Variants in NSD1 observed in about 807,000 individuals in gnomAD.
NSD1 encodes the protein histone-lysine N-methyltransferase, H3 lysine-36 specific.
A neutral mutation model predicts 242.7 loss-of-function variants in NSD1; 26 were observed. The observed-to-expected ratio is 0.11, with a 90% CI of 0.08 to 0.15. The LOEUF (loss-of-function observed/expected upper bound fraction) is 0.15. NSD1 is among the 10% of genes least tolerant of loss of function. NSD1 has a pLI of 1.00. For missense variants in NSD1, 2,495 were observed against 3,272.8 expected (o/e 0.76, Z 5.80); for synonymous variants, 1,106 against 1,178.1 (o/e 0.94, Z 1.25).
chr5:177,179,304 C>T (rs139614103), intron 2 of NSD1, among the ~76,000 whole-genome samples: 2,777 of 152,260 alleles, frequency 0.018, 33 homozygotes, highest in Non-Finnish European at 0.028. Context: ...TAACCTCCGC[C>T]TCCTGGGTTC....
Position 177,295,443 on chromosome 5 carries a change from A to G in NSD1, c.8075A>G (p.Glu2692Gly), listed in dbSNP as rs554708803. ...GCTCCTTCCAGTCACAAGTGTGCAG[A>G]ATCAGAACAGAAGTAGTACCAATCA... ...NQAPSSHKCAESEQK is the reference protein window; with the variant it reads ...NQAPSSHKCAGSEQK The change falls in exon 23 of 23, where the codon GAA becomes GGA. Residue 2692 changes from glutamate (E) to glycine (G), a missense_variant. Around this residue, in one of 19 missense-constraint regions of NSD1, gnomAD observed 475 missense variants for 563.7 expected, o/e 0.84. Coordinates refer to ENST00000439151, the MANE Select transcript of NSD1 (RefSeq NM_022455.5). The surrounding 1 kb of genome is among the most constrained non-coding windows in gnomAD (Gnocchi z 4.3). 6.2e-7 allele frequency: 1 copy of G among 1,614,032 alleles called. No individual in the cohort carries two copies. Among genetic ancestry groups the G allele is most frequent in the South Asian group, 1.1e-5 (1 of 91,084 alleles).
chr5:177,266,669 A>G, intron 14 of NSD1: 1 of 343,564 alleles, frequency 2.9e-6, no homozygotes, highest in South Asian at 9.2e-5. Flanking sequence ...TGAAAGAAGC[A>G]CAGTGAGAAC....
At chr5:177,132,226 CA>C (rs1465373709), upstream of NSD1, among the ~76,000 whole-genome samples, 1 of 151,950 alleles carries the variant, frequency 6.6e-6, no homozygotes, top group East Asian at 1.9e-4. This position sits in a 1 kb window ranked among gnomAD's most constrained non-coding sequence, Gnocchi z 7.5. Flanking sequence ...GCCCGGCCCT[CA>C]GGGGCGAGGC....
intron 14 of NSD1, chr5:177,265,982 A>G: frequency 3.7e-6 from 4 of 1,074,964 alleles, no homozygotes; most frequent in Non-Finnish European, 5.8e-6. Flanking sequence ...CACCACATCC[A>G]CTAGGGTTTC....
rs759363094 is a variant in NSD1, at chr5:177,209,821, C to G, written c.1422C>G (p.Gly474=). Residue 474 remains glycine (G), a synonymous_variant, in exon 5 of 23, where the codon GGC becomes GGG. Transcript: ENST00000439151. Reference sequence around the variant, plus strand: ...CAGAACATGACCTGTTGCTTAATGGCTGTTTGAAATCACTGGCTTTTGATT... The same window carrying G: ...CAGAACATGACCTGTTGCTTAATGGGTGTTTGAAATCACTGGCTTTTGATT... The part of the protein sequence containing the change: ...PESEHDLLLN[G]CLKSLAFDSE... The G allele has an allele frequency of 6.2e-6, 10 of 1,613,980 alleles. No homozygotes were observed. In the Admixed American group the frequency reaches 8.3e-5, roughly 13 times the overall value.
intron 20 of NSD1, among the ~76,000 whole-genome samples, chr5:177,285,104 C>A (rs953835959): frequency 6.6e-6 from 1 of 152,012 alleles, no homozygotes; most frequent in South Asian, 2.1e-4. Flanking sequence ...TAATTTGAAT[C>A]GAAAGTAAAT....
At chr5:177,279,783 A>T (rs1358236164) in intron 17 of NSD1, among the ~76,000 whole-genome samples, 1 of 149,792 alleles carries the variant, frequency 6.7e-6, no homozygotes, top group Non-Finnish European at 1.5e-5. Flanking sequence ...CGCCTGGCTA[A>T]TTTTTTTGTA....
intron 12 of NSD1, among the ~76,000 whole-genome samples, chr5:177,256,457 A>T (rs1320315954): frequency 1.3e-5 from 2 of 151,700 alleles, no homozygotes; most frequent in Non-Finnish European, 2.9e-5. Context: ...TAATTTTTGT[A>T]TGTTTAGTAG....
intron 2 of NSD1, among the ~76,000 whole-genome samples, chr5:177,186,791 G>C (rs1226542038): frequency 6.6e-6 from 1 of 152,078 alleles, no homozygotes; most frequent in Admixed American, 6.6e-5. Context: ...GAGTTCGAAA[G>C]CAGCCTGGGG....
chr5:177,269,520 C>A lies in NSD1; in HGVS notation c.5304-82C>A. 1 of 1,226,774 alleles carries A rather than the reference C, an allele frequency of 8.2e-7. No homozygotes were observed. Among genetic ancestry groups the A allele is most frequent in the Non-Finnish European group, 1.2e-6 (1 of 840,638 alleles). 76.0% of individuals were successfully genotyped at this position (1,226,774 alleles called of 1,614,324 possible). ...ATGTGGACAGACAGACATTGCTAAT[C>A]CTTACTTTTATATGAGTAGGTTATT... On this transcript the variant is annotated intron_variant, in intron 15 of 22. Coordinates refer to ENST00000439151, the MANE Select transcript of NSD1 (RefSeq NM_022455.5). This position sits in a 1 kb window ranked among gnomAD's most constrained non-coding sequence, Gnocchi z 5.1.
In NSD1 at chr5:177,135,720, C is replaced by T. The variant is rs2149756476; in HGVS notation, c.617C>T (p.Ala206Val). The T allele has an allele frequency of 6.2e-7, 1 of 1,614,088 alleles. No homozygotes were observed. Among genetic ancestry groups the T allele is most frequent in the South Asian group, 1.1e-5 (1 of 91,080 alleles). ...ETKSENGVKV[A>V]MGSEQDSTPE... ...AAATCAGAGAATGGTGTAAAAGTGGCCATGGGAAGTGAACAAGACAGCACA... is the reference window on the plus strand; with the variant it reads ...AAATCAGAGAATGGTGTAAAAGTGGTCATGGGAAGTGAACAAGACAGCACA... Residue 206 changes from alanine to valine, a missense_variant, in exon 2 of 23, where the codon GCC becomes GTC. Ala to Val is a moderately conservative substitution (Grantham distance 64). This residue lies in a region of NSD1 where 376 missense variants were observed against 367.4 expected (regional missense o/e 1.02). Transcript: ENST00000439151.
At chr5:177,257,975 T>TTTTTTTG (rs1756659404) in intron 13 of NSD1, among the ~76,000 whole-genome samples, 1 of 131,412 alleles carries the variant, frequency 7.6e-6, no homozygotes, top group Non-Finnish European at 1.6e-5. Context: ...CCCTGGGCCT[T>TTTTTTTG]TTTTTTTTTT....
chr5:177,266,054 ATCTTGTAG>A (rs1404201362), intron 14 of NSD1: 14 of 1,090,320 alleles, frequency 1.3e-5, no homozygotes, highest in Non-Finnish European at 1.8e-5. Context: ...CCACCAGTGG[ATCTTGTAG>A]TCTTTGTACT....
In NSD1 at chr5:177,299,456, CCTCCGTCCACG is replaced by C. The variant is rs1760451603; in HGVS notation, c.*4000_*4010del. The C allele has an allele frequency of 4.3e-6, 1 of 233,134 alleles. No homozygotes were observed. The highest frequency in any genetic ancestry group is 2.2e-5 in the African/African-American group (1 of 45,318). 14.4% of individuals were successfully genotyped at this position (233,134 alleles called of 1,614,324 possible). A position where few individuals can be genotyped will look rare whatever the true frequency, so the allele number is the denominator to read the frequency against. ...AGGGCTGGGGCCACCTTGTCCATAG[CCTCCGTCCACG>C]CTGCCTGGAGCAGGTTGTTAGAGAG... On this transcript the variant is annotated 3_prime_UTR_variant, in exon 23 of 23. Transcript: ENST00000439151.
chr5:177,232,190 A>G (rs1293363208), intron 5 of NSD1, among the ~76,000 whole-genome samples: 1 of 152,154 alleles, frequency 6.6e-6, no homozygotes, highest in Non-Finnish European at 1.5e-5. Context: ...AATTCTGTTT[A>G]GATGTATAGT....
intron 5 of NSD1, among the ~76,000 whole-genome samples, chr5:177,225,394 G>T (rs1764559210): frequency 6.6e-6 from 1 of 152,068 alleles, no homozygotes; most frequent in Non-Finnish European, 1.5e-5. Flanking sequence ...CTGCCTGTCT[G>T]AGCCTCCCAA....
At position 177,192,059 on chromosome 5, in the gene NSD1, C is replaced by T. The variant is rs1761732559; in HGVS notation, c.1063+40C>T. On this transcript the variant is annotated intron_variant, in intron 3 of 22. Transcript: ENST00000439151. Reference sequence around the variant, plus strand: ...GATTATACATGTTAAAGGCAGTTGCCTTTAGAATAACTCAATTTTTGTTAT... The same window carrying T: ...GATTATACATGTTAAAGGCAGTTGCTTTTAGAATAACTCAATTTTTGTTAT... The T allele has an allele frequency of 1.9e-6, 3 of 1,576,870 alleles. No homozygotes were observed. In the African/African-American group the frequency reaches 4.1e-5, roughly 21 times the overall value.
At chr5:177,153,062 A>G (rs1469184721) in intron 2 of NSD1, among the ~76,000 whole-genome samples, 1 of 152,094 alleles carries the variant, frequency 6.6e-6, no homozygotes, top group African/African-American at 2.4e-5. Flanking sequence ...CTTTTCTAAC[A>G]GAGCTTTGGG....
At chr5:177,192,113 A>G (rs1262552781) in intron 3 of NSD1, 94 bp downstream of exon 3, 8 of 1,173,258 alleles carry the variant, frequency 6.8e-6, no homozygotes, top group Non-Finnish European at 9.5e-6. Context: ...TTTTCCTTGG[A>G]ACATTTTGTG....
Sources: gnomAD v4.1 joint callset for allele counts (sites outside exome capture counted in the v4.1 genomes callset) on GRCh38, gnomAD v4.1.1 for gene constraint, gnomAD v4.1.1 regional missense constraint, Gnocchi (gnomAD v3.1) non-coding constraint, MANE v1.5 for transcripts, NCBI Gene and HGNC (gene_info 2026-07-23, HGNC 2026-07-21) for gene names.